Variants in DNMBP observed in about 807,000 individuals in gnomAD.
The protein encoded by DNMBP is dynamin-binding protein.
A neutral mutation model predicts 150.0 loss-of-function variants in DNMBP; 87 were observed. The observed-to-expected ratio is 0.58, with a 90% CI of 0.49 to 0.69. The LOEUF is 0.69. DNMBP is among the 30% of genes least tolerant of loss of function. The pLI, the probability that DNMBP is intolerant of heterozygous loss-of-function variation, is 0.00. For missense variants in DNMBP, 1,774 were observed against 1,949.0 expected, an observed-to-expected ratio of 0.91 and a Z score of 1.69; for synonymous variants, 711 against 750.4, an observed-to-expected ratio of 0.95 and a Z score of 0.86.
At chr10:100,000,870 A>C (rs1029179510) in intron 1 of DNMBP, among the ~76,000 whole-genome samples, 19 of 146,230 alleles carry the variant, frequency 1.3e-4, no homozygotes, top group African/African-American at 4.2e-4. Context: ...AAAAAAAAAA[A>C]AAAAAAAAAA....
intron 1 of DNMBP, among the ~76,000 whole-genome samples, chr10:99,988,044 T>G (rs1333465396): frequency 1.3e-5 from 2 of 151,906 alleles, no homozygotes; most frequent in Non-Finnish European, 2.9e-5. Context: ...GTTCACAACT[T>G]CACACCAGTT....
chr10:99,919,766 G>A (rs1285245629), intron 4 of DNMBP, among the ~76,000 whole-genome samples: 6 of 152,360 alleles, frequency 3.9e-5, no homozygotes, highest in Middle Eastern at 6.8e-3. Context: ...CAGCTTGGGC[G>A]ACAGAGGAAG....
chr10:99,956,932 C>T lies in DNMBP; in HGVS notation c.542G>A (p.Gly181Asp), dbSNP rs2040504819. Residue 181 changes from glycine (G) to aspartate (D), a missense_variant, in exon 4 of 17, where the codon GGC (glycine) becomes GAC (aspartate). Gly to Asp is a moderately conservative substitution (Grantham distance 94). Around this residue, in one of 2 missense-constraint regions of DNMBP, gnomAD observed 344 missense variants for 456.6 expected, o/e 0.75. Transcript: ENST00000324109. ...GCCCTCTAACTCCCCTTCAAACCAG[C>T]CTGGTTCAGGAACTCCAATAATGGT... ...VITIIGVPEP[G>D]WFEGELEGRR... 1 of 1,614,122 alleles carries T rather than the reference C, an allele frequency of 6.2e-7. No individual in the cohort carries two copies. Among genetic ancestry groups the T allele is most frequent in the South Asian group, 1.1e-5 (1 of 91,088 alleles).
intron 4 of DNMBP, among the ~76,000 whole-genome samples, chr10:99,938,544 C>CA (rs1279235622): frequency 7.2e-5 from 11 of 151,916 alleles, no homozygotes; most frequent in African/African-American, 2.7e-4. Flanking sequence ...GACTCCATCT[C>CA]AAAAAATAAA....
At chr10:99,929,334 T>C (rs191631474) in intron 4 of DNMBP, among the ~76,000 whole-genome samples, 1 of 152,120 alleles carries the variant, frequency 6.6e-6, no homozygotes, top group Admixed American at 6.5e-5. Flanking sequence ...TACTTGAGAT[T>C]AGAGACATCT....
At chr10:99,913,692 G>A (rs770989996) in intron 4 of DNMBP, among the ~76,000 whole-genome samples, 7 of 152,096 alleles carry the variant, frequency 4.6e-5, no homozygotes, top group Middle Eastern at 3.4e-3. Context: ...AGCCCTTTCC[G>A]GTTAGTACAT....
intron 2 of DNMBP, among the ~76,000 whole-genome samples, chr10:99,971,000 G>GAAAAAAAAAAAAAAAAAAAA (rs1554871865): frequency 8.0e-5 from 9 of 111,988 alleles, no homozygotes; most frequent in Non-Finnish European, 1.4e-4. Flanking sequence ...AAAAAAAAAG[G>GAAAAAAAAAAAAAAAAAAAA]AAAGCAGTAG....
chr10:99,922,178 A>T (rs1307158566), intron 4 of DNMBP, among the ~76,000 whole-genome samples: 1 of 152,082 alleles, frequency 6.6e-6, no homozygotes, highest in Non-Finnish European at 1.5e-5. Context: ...GGAAATATCA[A>T]ATTGGAAAAC....
chr10:99,904,444 C>T (rs1471477419), intron 6 of DNMBP, among the ~76,000 whole-genome samples: 1 of 152,110 alleles, frequency 6.6e-6, no homozygotes, highest in Non-Finnish European at 1.5e-5. Flanking sequence ...ATCTCAGCCA[C>T]CTGCCCTTTG....
rs895801002 is a variant in DNMBP at position 99,964,135 on chromosome 10, C to CTTTT, written c.268+4976_268+4979dup. On this transcript the variant is annotated intron_variant, in intron 3 of 16. Coordinates refer to ENST00000324109, the MANE Select transcript of DNMBP (RefSeq NM_015221.4). ...GTCTTTTCCTTGTCCTATTCTCTCT[C>CTTTT]TTTTTTTTTTTTTTTTTTTTTTTTG... is the stretch of plus-strand genomic sequence containing the variant. 6.5e-3 allele frequency among the ~76,000 whole-genome samples: 571 copies of CTTTT among 87,202 alleles called. 10 individuals carry two copies. The highest frequency in any genetic ancestry group is 9.4e-3 in the African/African-American group (192 of 20,496). 57.2% of individuals were successfully genotyped at this position (87,202 alleles called of 152,430 possible). A position where few individuals can be genotyped will look rare whatever the true frequency, so the allele number is the denominator to read the frequency against.
At position 99,879,084 on chromosome 10, in the gene DNMBP, C is replaced by CAAAAAAAAAAAAAA. The variant is rs71009780; in HGVS notation, c.4548+713_4548+726dup. 3.0e-3 allele frequency among the ~76,000 whole-genome samples: 186 copies of CAAAAAAAAAAAAAA among 62,294 alleles called. 6 individuals carry two copies. Among genetic ancestry groups the CAAAAAAAAAAAAAA allele is most frequent in the African/African-American group, 0.01 (126 of 12,166 alleles). 40.9% of individuals were successfully genotyped at this position (62,294 alleles called of 152,430 possible). A position where few individuals can be genotyped will look rare whatever the true frequency, so the allele number is the denominator to read the frequency against. ...TGGGCGACAGAGCAAGACTCTGTCT[C>CAAAAAAAAAAAAAA]AAAAAAAAAAAAAAAAACCCAAAAC... On this transcript the variant is annotated intron_variant, in intron 16 of 16. Coordinates refer to ENST00000324109, the MANE Select transcript of DNMBP (RefSeq NM_015221.4).
At chr10:99,914,088 T>C in intron 4 of DNMBP, 1 of 1,399,068 alleles carries the variant, frequency 7.1e-7, no homozygotes, top group Non-Finnish European at 9.3e-7. Flanking sequence ...TCCCCCAGGC[T>C]TCCCACATTT....
intron 3 of DNMBP, among the ~76,000 whole-genome samples, chr10:99,958,723 G>C (rs1242178820): frequency 6.6e-6 from 1 of 152,108 alleles, no homozygotes; most frequent in African/African-American, 2.4e-5. Flanking sequence ...GTCAACATTT[G>C]GAATAACTGA....
chr10:100,007,356 G>C (rs114682274), intron 1 of DNMBP, among the ~76,000 whole-genome samples: 2 of 152,132 alleles, frequency 1.3e-5, no homozygotes, highest in Non-Finnish European at 2.9e-5. Context: ...CCCCCTCCCA[G>C]CACCCACAGC....
chr10:99,918,622 A>G (rs1343356318), intron 4 of DNMBP, among the ~76,000 whole-genome samples: 1 of 143,542 alleles, frequency 7.0e-6, no homozygotes, highest in Non-Finnish European at 1.5e-5. Flanking sequence ...GCTAGAGTGC[A>G]GTGGCACAAT....
At chr10:99,948,021 G>A (rs1437769050) in intron 4 of DNMBP, among the ~76,000 whole-genome samples, 1 of 152,166 alleles carries the variant, frequency 6.6e-6, no homozygotes, top group East Asian at 1.9e-4. Context: ...GATAGGGGAA[G>A]CTATGTATGT....
At chr10:99,878,032 T>C (rs1378185703) in intron 16 of DNMBP, among the ~76,000 whole-genome samples, 1 of 152,046 alleles carries the variant, frequency 6.6e-6, no homozygotes, top group East Asian at 1.9e-4. Context: ...GGCAGGAGAA[T>C]TGCCTGAACC....
intron 4 of DNMBP, among the ~76,000 whole-genome samples, chr10:99,929,062 T>C (rs1228353456): frequency 6.6e-6 from 1 of 152,114 alleles, no homozygotes; most frequent in Non-Finnish European, 1.5e-5. Context: ...GAGGATCTCT[T>C]GAGCCCAGGA....
rs537844635 is a variant in DNMBP at position 99,976,580 on chromosome 10, C to T, written c.-10-4446G>A. On this transcript the variant is annotated intron_variant, in intron 1 of 16. Coordinates refer to ENST00000324109, the MANE Select transcript of DNMBP (RefSeq NM_015221.4). ...ATACTACCAAAATTATGTAAAGTTCCTAGATAAATAAAAGTAAACAAGCTC... is the reference window on the plus strand; with the variant it reads ...ATACTACCAAAATTATGTAAAGTTCTTAGATAAATAAAAGTAAACAAGCTC... Among the ~76,000 whole-genome samples, 10 of 152,270 alleles carry T rather than the reference C, an allele frequency of 6.6e-5. No individual in the cohort carries two copies. The East Asian group carries it at 1.7e-3, about 26-fold the overall frequency.
Sources: allele counts gnomAD v4.1 joint callset (sites outside exome capture counted in the v4.1 genomes callset), GRCh38; gene constraint gnomAD v4.1.1; regional missense constraint gnomAD v4.1.1; transcripts MANE v1.5; gene names NCBI Gene and HGNC (gene_info 2026-07-23, HGNC 2026-07-21).